Variants in NCEH1 observed in about 807,000 individuals in gnomAD.
NCEH1 encodes the protein neutral cholesterol ester hydrolase 1.
A neutral mutation model predicts 25.4 loss-of-function variants in NCEH1; 9 were observed. The observed-to-expected ratio is 0.35, with a 90% CI of 0.21 to 0.62. The LOEUF (loss-of-function observed/expected upper bound fraction) is 0.62, where lower values mean the gene tolerates loss of function less well. Ranked by LOEUF, NCEH1 falls within the 20% of genes least tolerant of loss-of-function variation. The pLI is 0.72. For synonymous variants in NCEH1, 200 were observed against 199.8 expected, an observed-to-expected ratio of 1.00 and a Z score of -0.01; for missense variants, 412 against 501.1, an observed-to-expected ratio of 0.82 and a Z score of 1.70.
chr3:172,638,062 A>G (rs563051844), intron 3 of NCEH1, among the ~76,000 whole-genome samples: 1 of 152,292 alleles, frequency 6.6e-6, no homozygotes, highest in African/African-American at 2.4e-5. Flanking sequence ...CCTGCTAGGT[A>G]ATTAAACATC....
intron 1 of NCEH1, among the ~76,000 whole-genome samples, chr3:172,703,384 C>A (rs1168704361): frequency 1.3e-5 from 2 of 151,744 alleles, no homozygotes; most frequent in Admixed American, 1.3e-4. Context: ...AAAAATTAGC[C>A]GGGCATCATG....
intron 1 of NCEH1, among the ~76,000 whole-genome samples, chr3:172,672,396 G>C (rs1254453978): frequency 2.6e-5 from 4 of 152,078 alleles, no homozygotes; most frequent in Admixed American, 1.3e-4. Context: ...GTTTTAGAAG[G>C]CCTATGGAAA....
At chr3:172,642,527 T>C (rs544166696) in intron 3 of NCEH1, among the ~76,000 whole-genome samples, 1 of 136,684 alleles carries the variant, frequency 7.3e-6, no homozygotes, top group Non-Finnish European at 1.5e-5. Flanking sequence ...TGGCTGTACC[T>C]CAACTACAGC....
rs577744151 is a variant in NCEH1 at position 172,654,519 on chromosome 3, T to C, written c.139-6405A>G. 3.3e-5 allele frequency among the ~76,000 whole-genome samples: 5 copies of C among 152,372 alleles called. No homozygotes were observed. In the South Asian group the frequency reaches 8.3e-4, roughly 25 times the overall value. Reference sequence around the variant, plus strand: ...TTTTTCCTATTATGCACATTTGTTATTAGTTCCACATGGATTATCAAGTCC... The same window carrying C: ...TTTTTCCTATTATGCACATTTGTTACTAGTTCCACATGGATTATCAAGTCC... On this transcript the variant is annotated intron_variant, in intron 1 of 4. Coordinates refer to ENST00000475381, the MANE Select transcript of NCEH1 (RefSeq NM_020792.6).
chr3:172,700,569 G>A (rs1576782536), intron 1 of NCEH1, among the ~76,000 whole-genome samples: 1 of 152,192 alleles, frequency 6.6e-6, no homozygotes, highest in Non-Finnish European at 1.5e-5. Flanking sequence ...AGGCTAGAGT[G>A]TAGTGGTGTG....
chr3:172,670,853 A>C (rs1711572455), intron 1 of NCEH1, among the ~76,000 whole-genome samples: 1 of 152,166 alleles, frequency 6.6e-6, no homozygotes, highest in Non-Finnish European at 1.5e-5. Flanking sequence ...TGAAAATTTC[A>C]TATTTAAAAT....
At chr3:172,641,090 C>T (rs1195786755) in intron 3 of NCEH1, among the ~76,000 whole-genome samples, 1 of 152,068 alleles carries the variant, frequency 6.6e-6, no homozygotes, top group Non-Finnish European at 1.5e-5. Flanking sequence ...CAGAGTGAGA[C>T]TCTGTCTCAA....
intron 1 of NCEH1, among the ~76,000 whole-genome samples, chr3:172,685,917 C>G (rs62281166): frequency 0.13 from 19,204 of 152,210 alleles, 1,406 homozygotes; most frequent in Non-Finnish European, 0.17. Context: ...TACAGAGCAG[C>G]CTTTCCCAAA....
chr3:172,635,904 C>T lies in NCEH1; in HGVS notation c.609+12G>A, dbSNP rs1346639177. ...CGCTTAACCCACCAGCACCTTAGGA[C>T]AGTGGTGTTACCTGTTGTCCAAGGG... On this transcript the variant is annotated intron_variant, in intron 4 of 4. Transcript: ENST00000475381. 2 of 1,613,740 alleles carry T rather than the reference C, an allele frequency of 1.2e-6. No individual in the cohort carries two copies. The highest frequency in any genetic ancestry group is 3.3e-5 in the Admixed American group (2 of 60,018).
chr3:172,700,462 A>G (rs903221820), intron 1 of NCEH1, among the ~76,000 whole-genome samples: 5 of 152,238 alleles, frequency 3.3e-5, no homozygotes, highest in African/African-American at 1.2e-4. Context: ...CTAAGAGTCC[A>G]TGAATTTCTA....
chr3:172,671,829 T>A (rs1301054263), intron 1 of NCEH1, among the ~76,000 whole-genome samples: 1 of 152,156 alleles, frequency 6.6e-6, no homozygotes. Context: ...AGATCACATA[T>A]ATGAGGGTGG....
At chr3:172,665,656 G>A (rs1718175565) in intron 1 of NCEH1, among the ~76,000 whole-genome samples, 1 of 152,172 alleles carries the variant, frequency 6.6e-6, no homozygotes, top group African/African-American at 2.4e-5. Context: ...GAGCTTCCTG[G>A]CCACTTTGTT....
At position 172,636,794 on chromosome 3, in the gene NCEH1, A is replaced by G. The variant is rs115821524; in HGVS notation, c.438-707T>C. Reference sequence around the variant, plus strand: ...ACTCTGTACACCTAGTAGAATTCATATCCCCTTAAGATTCCCAGAAAGCTC... The same window carrying G: ...ACTCTGTACACCTAGTAGAATTCATGTCCCCTTAAGATTCCCAGAAAGCTC... On this transcript the variant is annotated intron_variant, in intron 3 of 4. Coordinates refer to ENST00000475381, the MANE Select transcript of NCEH1 (RefSeq NM_020792.6). Among the ~76,000 whole-genome samples, 412 of 152,342 alleles carry G rather than the reference A, an allele frequency of 2.7e-3. 3 individuals carry two copies. The highest frequency in any genetic ancestry group is 9.4e-3 in the African/African-American group (392 of 41,572).
intron 3 of NCEH1, among the ~76,000 whole-genome samples, chr3:172,637,449 C>T (rs1248561653): frequency 1.3e-5 from 2 of 152,190 alleles, no homozygotes; most frequent in Non-Finnish European, 2.9e-5. Flanking sequence ...TTATTTTCCA[C>T]AGTCTAAAAT....
chr3:172,667,440 A>T (rs1718270149), intron 1 of NCEH1, among the ~76,000 whole-genome samples: 1 of 152,240 alleles, frequency 6.6e-6, no homozygotes, highest in African/African-American at 2.4e-5. Context: ...CAGGCAGATC[A>T]CACAGGTTTA....
intron 1 of NCEH1, among the ~76,000 whole-genome samples, chr3:172,686,915 A>G (rs1576769101): frequency 6.6e-6 from 1 of 152,282 alleles, no homozygotes; most frequent in Middle Eastern, 3.4e-3. Context: ...GAGAGCTAGG[A>G]AGGACTAACA....
At chr3:172,691,386 G>A (rs1387474708) in intron 1 of NCEH1, among the ~76,000 whole-genome samples, 1 of 16,910 alleles carries the variant, frequency 5.9e-5, no homozygotes, top group African/African-American at 3.9e-4. Context: ...TGTTCCCCTA[G>A]GTTTAGCATA....
intron 1 of NCEH1, among the ~76,000 whole-genome samples, chr3:172,665,052 G>A (rs550581239): frequency 5.5e-4 from 84 of 151,610 alleles, no homozygotes; most frequent in Middle Eastern, 3.4e-3. Context: ...CTGATTTTTA[G>A]AATTTTCAGC....
intron 1 of NCEH1, among the ~76,000 whole-genome samples, chr3:172,663,300 A>G (rs1299065649): frequency 6.6e-6 from 1 of 152,036 alleles, no homozygotes; most frequent in Admixed American, 6.6e-5. Flanking sequence ...CTGAGTTCTA[A>G]TTTGATTGCA....
Sources: gnomAD v4.1 joint callset for allele counts (sites outside exome capture counted in the v4.1 genomes callset) on GRCh38, gnomAD v4.1.1 for gene constraint, MANE v1.5 for transcripts, NCBI Gene and HGNC (gene_info 2026-07-23, HGNC 2026-07-21) for gene names.